The following OTOGL variants were observed in gnomAD, a reference collection of about 807,000 sequenced individuals.
The protein encoded by OTOGL is otogelin like.
OTOGL carries 285 observed loss-of-function variants against 318.5 expected under a neutral mutation model. That is an observed-to-expected ratio of 0.89 (90% CI 0.81 to 0.99). OTOGL has a LOEUF of 0.99. Ranked by LOEUF, OTOGL falls within the 50% of genes least tolerant of loss-of-function variation. The pLI, the probability that OTOGL is intolerant of heterozygous loss-of-function variation, is 0.00. For synonymous variants in OTOGL, 987 were observed against 936.5 expected, an observed-to-expected ratio of 1.05 and a Z score of -0.99; for missense variants, 2,899 against 2,845.6, an observed-to-expected ratio of 1.02 and a Z score of -0.43.
intron 18 of OTOGL, among the ~76,000 whole-genome samples, chr12:80,258,310 T>G (rs372090983): frequency 1.3e-5 from 2 of 152,042 alleles, no homozygotes; most frequent in East Asian, 1.9e-4. Flanking sequence ...GCTATTCTCT[T>G]CTCTGCCATC....
At chr12:80,331,180 A>G (rs570254035) in intron 37 of OTOGL, among the ~76,000 whole-genome samples, 6 of 152,224 alleles carry the variant, frequency 3.9e-5, no homozygotes, top group African/African-American at 1.4e-4. Flanking sequence ...AATTTGGAGT[A>G]CTCATACTTC....
intron 18 of OTOGL, among the ~76,000 whole-genome samples, chr12:80,260,070 T>G (rs1882402125): frequency 2.0e-5 from 3 of 152,102 alleles, no homozygotes. Flanking sequence ...GTGTCCTTGG[T>G]CTTTGTATTC....
At chr12:80,165,240 G>A (rs1467013126) in intron 1 of OTOGL, among the ~76,000 whole-genome samples, 1 of 152,164 alleles carries the variant, frequency 6.6e-6, no homozygotes, top group Non-Finnish European at 1.5e-5. Flanking sequence ...GATCTAAAGA[G>A]ATTGAAATGA....
intron 1 of OTOGL, among the ~76,000 whole-genome samples, chr12:80,120,955 A>G (rs1870453594): frequency 6.6e-6 from 1 of 152,188 alleles, no homozygotes; most frequent in Non-Finnish European, 1.5e-5. Flanking sequence ...TTGGCTGAGC[A>G]AGTTTATAAC....
In OTOGL at chr12:80,256,297, C is replaced by G. The variant is rs376793943; in HGVS notation, c.1588-40C>G. The G allele has an allele frequency of 1.9e-6, 3 of 1,573,416 alleles. No homozygotes were observed. In the African/African-American group the frequency reaches 4.0e-5, roughly 21 times the overall value. Reference sequence around the variant, plus strand: ...CCTGTCTCTTTCTATGGCTCTCTCTCTCTCCCATTCCTTGCATTGATAATT... The same window carrying G: ...CCTGTCTCTTTCTATGGCTCTCTCTGTCTCCCATTCCTTGCATTGATAATT... On this transcript the variant is annotated intron_variant, in intron 16 of 58. Coordinates refer to ENST00000547103, the MANE Select transcript of OTOGL (RefSeq NM_001378609.3).
At chr12:80,246,210 G>A (rs1399867298) in intron 11 of OTOGL, among the ~76,000 whole-genome samples, 1 of 149,668 alleles carries the variant, frequency 6.7e-6, no homozygotes, top group East Asian at 1.9e-4. Context: ...TTGAATAGGA[G>A]CGGTGAGAGA....
intron 18 of OTOGL, among the ~76,000 whole-genome samples, chr12:80,258,412 A>G (rs1392951146): frequency 6.6e-6 from 1 of 152,152 alleles, no homozygotes; most frequent in Non-Finnish European, 1.5e-5. Context: ...ATCAGTATGC[A>G]TTAGTGGTAG....
intron 1 of OTOGL, among the ~76,000 whole-genome samples, chr12:80,141,648 C>T (rs1871954270): frequency 6.6e-6 from 1 of 152,174 alleles, no homozygotes; most frequent in Admixed American, 6.5e-5. Context: ...GTGTCAGCCT[C>T]ATTTTGCTTT....
chr12:80,339,243 T>A lies in OTOGL; in HGVS notation c.5029T>A (p.Ser1677Thr). ...TTTTGGCTTCCGATTTAACTTGTCA[T>A]CCTACACAGAAGGACTCTGTGGTGA... Reference protein sequence around the residue: ...IHFGFRFNLSSYTEGLCGICN... With the variant: ...IHFGFRFNLSTYTEGLCGICN... Residue 1677 changes from serine (S) to threonine (T), a missense_variant, in exon 43 of 59, where the codon TCC (serine) becomes ACC (threonine). Physicochemically the swap from Ser to Thr is moderately conservative, Grantham distance 58 (BLOSUM62 1). This residue lies in a region of OTOGL where 2,607 missense variants were observed against 2,524.9 expected (regional missense o/e 1.03). Coordinates refer to ENST00000547103, the MANE Select transcript of OTOGL (RefSeq NM_001378609.3). 1 of 1,594,856 alleles carries A rather than the reference T, an allele frequency of 6.3e-7. No individual in the cohort carries two copies. The highest frequency in any genetic ancestry group is 2.3e-5 in the East Asian group (1 of 43,006).
intron 29 of OTOGL, 86 bp from the exon 30 acceptor site, chr12:80,310,525 T>C: frequency 1.2e-6 from 1 of 844,198 alleles, no homozygotes; most frequent in East Asian, 2.5e-5. Context: ...TTAGGCGCAA[T>C]TGTAATGAGT....
In OTOGL at chr12:80,355,225, T is replaced by TTTC. The variant is rs1491506271; in HGVS notation, c.5594-509_5594-508insCTT. ...CTTTTTTCTTTTCTTTCTTTCTTTC[T>TTTC]TTTCTTTTTTTTTTTTTTTTTTTGA... On this transcript the variant is annotated intron_variant, in intron 46 of 58. Transcript: ENST00000547103. Among the ~76,000 whole-genome samples the TTTC allele has an allele frequency of 2.4e-3, 85 of 36,070 alleles. 1 individual carries two copies. Among genetic ancestry groups the TTTC allele is most frequent in the African/African-American group, 3.6e-3 (54 of 14,910 alleles). The allele number at this position is 36,070 out of a possible 152,430, so 23.7% of individuals were successfully genotyped here. A position where few individuals can be genotyped will look rare whatever the true frequency, so the allele number is the denominator to read the frequency against.
At chr12:80,103,428 A>G in intron 1 of OTOGL, 1 of 638,274 alleles carries the variant, frequency 1.6e-6, no homozygotes, top group Non-Finnish European at 2.8e-6. Context: ...TGCTGTCCCT[A>G]TGCCAGAATG....
chr12:80,125,219 C>T (rs914761595), intron 1 of OTOGL, among the ~76,000 whole-genome samples: 13 of 152,270 alleles, frequency 8.5e-5, no homozygotes, highest in South Asian at 2.1e-4. Context: ...CCCATCAATA[C>T]CTAATTTATT....
At chr12:80,148,711 T>C (rs967321201) in intron 1 of OTOGL, among the ~76,000 whole-genome samples, 4 of 152,154 alleles carry the variant, frequency 2.6e-5, no homozygotes, top group African/African-American at 4.8e-5. Context: ...TAGATTTGGT[T>C]TTTTCACATA....
chr12:80,335,869 T>C (rs1592721928), intron 38 of OTOGL, 94 bp from the exon 39 acceptor site: 19 of 1,173,846 alleles, frequency 1.6e-5, no homozygotes, highest in Non-Finnish European at 2.0e-5. Context: ...ATTCAATAAA[T>C]GTACACCATG....
intron 1 of OTOGL, among the ~76,000 whole-genome samples, chr12:80,159,435 A>G (rs1260909716): frequency 2.0e-5 from 3 of 152,120 alleles, no homozygotes; most frequent in African/African-American, 7.2e-5. Flanking sequence ...TGTCTGATAG[A>G]ATTCAGCTGT....
At chr12:80,261,724 G>A (rs999511599) in intron 18 of OTOGL, among the ~76,000 whole-genome samples, 9 of 152,002 alleles carry the variant, frequency 5.9e-5, no homozygotes, top group Non-Finnish European at 1.2e-4. Context: ...GATAAAAGAT[G>A]TTTTTCTTAT....
At chr12:80,275,032 A>G (rs12299613) in intron 24 of OTOGL, among the ~76,000 whole-genome samples, 28,694 of 151,916 alleles carry the variant, frequency 0.19, 3,261 homozygotes, top group African/African-American at 0.31. Flanking sequence ...TGTTGTTTTC[A>G]TGCTTGCTAA....
intron 1 of OTOGL, among the ~76,000 whole-genome samples, chr12:80,135,952 T>G (rs1871541594): frequency 6.6e-6 from 1 of 152,204 alleles, no homozygotes. Flanking sequence ...AGACTGCTGG[T>G]CTTTGGACTC....
Sources: gnomAD v4.1 joint callset for allele counts (sites outside exome capture counted in the v4.1 genomes callset) on GRCh38, gnomAD v4.1.1 for gene constraint, gnomAD v4.1.1 regional missense constraint, MANE v1.5 for transcripts, NCBI Gene and HGNC (gene_info 2026-07-23, HGNC 2026-07-21) for gene names.